The following CRACR2A variants were observed in gnomAD, a reference collection of about 807,000 sequenced individuals.
CRACR2A encodes calcium release activated channel regulator 2A, also known as EF-hand calcium-binding domain-containing protein 4B.
A neutral mutation model predicts 90.5 loss-of-function variants in CRACR2A; 79 were observed. That is an observed-to-expected ratio of 0.87 (90% CI 0.73 to 1.05). The LOEUF is 1.05. CRACR2A is among the 50% of genes least tolerant of loss of function. The pLI, the probability that CRACR2A is intolerant of heterozygous loss-of-function variation, is 0.00. For missense variants in CRACR2A, 823 were observed against 897.2 expected (o/e 0.92, Z 1.06); for synonymous variants, 338 against 356.7 (o/e 0.95, Z 0.59).
At chr12:3,644,697 A>C in intron 11 of CRACR2A, 57 bp from the exon 12 acceptor site, 1 of 1,511,526 alleles carries the variant, frequency 6.6e-7, no homozygotes, top group Non-Finnish European at 9.0e-7. Flanking sequence ...GACAGATCCA[A>C]CGGCAGCCAA....
chr12:3,648,374 T>G, intron 11 of CRACR2A, 168 bp downstream of exon 11: 1 of 1,515,076 alleles, frequency 6.6e-7, no homozygotes, highest in Non-Finnish European at 8.8e-7. Flanking sequence ...CATAATAGAG[T>G]GGCTACTTGG....
chr12:3,629,710 T>A (rs1591638924), intron 15 of CRACR2A, among the ~76,000 whole-genome samples: 1 of 152,022 alleles, frequency 6.6e-6, no homozygotes, highest in Non-Finnish European at 1.5e-5. Context: ...TGGAAAAATG[T>A]TCTGTGCTGT....
chr12:3,640,074 G>A lies in CRACR2A; in HGVS notation c.1272-1620C>T, dbSNP rs115627968. On this transcript the variant is annotated intron_variant, in intron 13 of 19. Transcript: ENST00000440314. ...TCACTTAAACAGGCATTAAAACAAA[G>A]CATTTCTTGGAAAAAGCTTTCTGTC... 4.6e-3 allele frequency among the ~76,000 whole-genome samples: 704 copies of A among 152,276 alleles called. 9 individuals are homozygous for A. Among genetic ancestry groups the A allele is most frequent in the South Asian group, 0.024 (115 of 4,828 alleles).
chr12:3,721,450 C>T (rs1460609635), intron 2 of CRACR2A, among the ~76,000 whole-genome samples: 2 of 151,290 alleles, frequency 1.3e-5, no homozygotes, highest in Admixed American at 6.6e-5. Context: ...AAAAACTAGC[C>T]AAGTGCAGTG....
At chr12:3,708,416 T>C (rs1383805503) in intron 3 of CRACR2A, among the ~76,000 whole-genome samples, 2 of 151,902 alleles carry the variant, frequency 1.3e-5, no homozygotes, top group African/African-American at 4.8e-5. Flanking sequence ...CCTGGAAGCA[T>C]TTTCTTTTCT....
intron 3 of CRACR2A, among the ~76,000 whole-genome samples, chr12:3,712,223 A>AT (rs35576958): frequency 0.43 from 64,386 of 149,318 alleles, 14,076 homozygotes; most frequent in Admixed American, 0.52. Flanking sequence ...GAAGTTGGCC[A>AT]TTTTTTTTTT....
At chr12:3,725,401 A>C (rs1591714018) in intron 2 of CRACR2A, among the ~76,000 whole-genome samples, 1 of 151,190 alleles carries the variant, frequency 6.6e-6, no homozygotes, top group South Asian at 2.1e-4. Context: ...AGGCTATATC[A>C]CTCCAGCTCT....
At chr12:3,640,941 C>T (rs931719178) in intron 13 of CRACR2A, among the ~76,000 whole-genome samples, 14 of 152,136 alleles carry the variant, frequency 9.2e-5, no homozygotes, top group African/African-American at 3.1e-4. Flanking sequence ...GTCATGGAAA[C>T]GATCTGTCAA....
intron 17 of CRACR2A, among the ~76,000 whole-genome samples, chr12:3,623,805 G>A (rs945240948): frequency 6.6e-6 from 1 of 152,170 alleles, no homozygotes; most frequent in Non-Finnish European, 1.5e-5. Flanking sequence ...AGCAGAACAA[G>A]GGCAAGGCCA....
chr12:3,683,625 T>G (rs908717422), intron 4 of CRACR2A, among the ~76,000 whole-genome samples: 5 of 152,196 alleles, frequency 3.3e-5, no homozygotes, highest in African/African-American at 9.7e-5. Flanking sequence ...TACCTTTCTC[T>G]CATTCATAAA....
At position 3,696,982 on chromosome 12, in the gene CRACR2A, C is replaced by A; in HGVS notation, c.18G>T (p.Gly6=). 4 of 1,610,518 alleles carry A rather than the reference C, an allele frequency of 2.5e-6. No individual in the cohort carries two copies. Among genetic ancestry groups the A allele is most frequent in the Non-Finnish European group, 3.4e-6 (4 of 1,177,704 alleles). MAAPD[G]RVVSRPQRLG... ...GTCTCTGGGGTCTGGAGACTACCCT[C>A]CCGTCAGGGGCAGCCATCGCGATTA... Residue 6 remains glycine, a synonymous_variant, in exon 4 of 20, where the codon GGG becomes GGT. Coordinates refer to ENST00000440314, the MANE Select transcript of CRACR2A (RefSeq NM_001144958.2).
chr12:3,712,708 T>C (rs1946023893), intron 3 of CRACR2A, among the ~76,000 whole-genome samples: 2 of 152,184 alleles, frequency 1.3e-5, no homozygotes, highest in South Asian at 4.1e-4. Context: ...ATTACTATAT[T>C]ACTATCCCAT....
In CRACR2A at chr12:3,706,643, C is replaced by T. The variant is rs1256725998; in HGVS notation, c.-37+6594G>A. 4.6e-5 allele frequency among the ~76,000 whole-genome samples: 7 copies of T among 152,166 alleles called. No individual in the cohort carries two copies. In the South Asian group the frequency reaches 6.2e-4, roughly 14 times the overall value. On this transcript the variant is annotated intron_variant, in intron 3 of 19. Transcript: ENST00000440314. Reference sequence around the variant, plus strand: ...AGAGACGGAGTCTCACTCTGTTGCCCGGGCTGAAGTGCAGTGGCATGATCT... The same window carrying T: ...AGAGACGGAGTCTCACTCTGTTGCCTGGGCTGAAGTGCAGTGGCATGATCT...
At chr12:3,634,157 G>A (rs1484583329) in intron 14 of CRACR2A, among the ~76,000 whole-genome samples, 2 of 152,188 alleles carry the variant, frequency 1.3e-5, no homozygotes, top group East Asian at 3.9e-4. Flanking sequence ...AGGACAAGGT[G>A]GGGCGTTTGC....
intron 15 of CRACR2A, among the ~76,000 whole-genome samples, chr12:3,632,852 C>G (rs193291303): frequency 1.3e-5 from 2 of 152,316 alleles, no homozygotes; most frequent in Non-Finnish European, 2.9e-5. Flanking sequence ...AATAGGCATG[C>G]AATGTATTTG....
intron 1 of CRACR2A, among the ~76,000 whole-genome samples, chr12:3,734,876 G>A (rs1946425349): frequency 6.6e-6 from 1 of 152,118 alleles, no homozygotes; most frequent in Non-Finnish European, 1.5e-5. Flanking sequence ...TGGCGAGAGA[G>A]GGGAAATGTT....
At chr12:3,681,770 A>C (rs1438444742) in intron 4 of CRACR2A, among the ~76,000 whole-genome samples, 1 of 152,230 alleles carries the variant, frequency 6.6e-6, no homozygotes, top group Non-Finnish European at 1.5e-5. Context: ...AATTGGCAAG[A>C]ATACTTGGCT....
chr12:3,637,158 C>T (rs935995599), intron 14 of CRACR2A, among the ~76,000 whole-genome samples: 6 of 152,198 alleles, frequency 3.9e-5, no homozygotes, highest in African/African-American at 1.4e-4. Context: ...CAGGGTCACA[C>T]TGAAGGGAGG....
intron 3 of CRACR2A, among the ~76,000 whole-genome samples, chr12:3,708,071 C>A (rs555456389): frequency 6.6e-6 from 1 of 152,248 alleles, no homozygotes; most frequent in African/African-American, 2.4e-5. Context: ...TGTGGACCCT[C>A]CCTCAGCATC....
Sources: allele counts gnomAD v4.1 joint callset (sites outside exome capture counted in the v4.1 genomes callset), GRCh38; gene constraint gnomAD v4.1.1; transcripts MANE v1.5; gene names NCBI Gene and HGNC (gene_info 2026-07-23, HGNC 2026-07-21).